ZNF536: variants seen among roughly 807,000 people sequenced by gnomAD.
ZNF536 encodes the protein zinc finger protein 536.
Under a neutral mutation model 84.5 loss-of-function variants are expected in ZNF536, and 13 were observed. That is an observed-to-expected ratio of 0.15 (90% CI 0.10 to 0.24). The LOEUF is 0.24. Among genes scored for constraint, ZNF536 ranks in the 10% least tolerant of loss-of-function variants. The pLI is 1.00. For missense variants in ZNF536, 1,536 were observed against 1,747.5 expected, an observed-to-expected ratio of 0.88 and a Z score of 2.16; for synonymous variants, 811 against 742.5, an observed-to-expected ratio of 1.09 and a Z score of -1.50.
chr19:30,415,801 AG>A (rs1267683401), intron 1 of ZNF536, among the ~76,000 whole-genome samples: 2 of 152,198 alleles, frequency 1.3e-5, no homozygotes, highest in African/African-American at 4.8e-5. Context: ...TAGTAGAGAC[AG>A]GGTTTCACCG....
chr19:30,415,288 C>CTTG (rs2050676883), intron 1 of ZNF536, among the ~76,000 whole-genome samples: 1 of 136,780 alleles, frequency 7.3e-6, no homozygotes, highest in Non-Finnish European at 1.6e-5. Flanking sequence ...CCTCCTCCTT[C>CTTG]TTCTTCTTCT....
At chr19:30,606,278 A>C (rs2047884585) in intron 1 of ZNF536, among the ~76,000 whole-genome samples, 2 of 49,996 alleles carry the variant, frequency 4.0e-5, no homozygotes, top group Admixed American at 2.0e-4. Flanking sequence ...AAATAAAATA[A>C]AATAAAATAA....
intron 1 of ZNF536, among the ~76,000 whole-genome samples, chr19:30,648,020 A>G (rs1388266451): frequency 6.6e-6 from 1 of 151,856 alleles, no homozygotes; most frequent in African/African-American, 2.4e-5. Flanking sequence ...AGTGCCTCCA[A>G]TTTTCCTCAC....
intron 4 of ZNF536, among the ~76,000 whole-genome samples, chr19:30,552,953 G>A (rs1400064015): frequency 6.6e-6 from 1 of 152,100 alleles, no homozygotes; most frequent in East Asian, 1.9e-4. Context: ...TTCCACAGTG[G>A]GTCAGATCCC....
chr19:30,261,202 G>A (rs1389424507), intron 1 of ZNF536, among the ~76,000 whole-genome samples: 1 of 146,850 alleles, frequency 6.8e-6, no homozygotes, highest in Non-Finnish European at 1.5e-5. Context: ...GGAGGCTGAG[G>A]CAGGAGAATG....
chr19:30,311,821 TG>T (rs2046513728), intron 2 of ZNF536, among the ~76,000 whole-genome samples: 1 of 152,106 alleles, frequency 6.6e-6, no homozygotes, highest in African/African-American at 2.4e-5. Flanking sequence ...GTATTCCCAG[TG>T]CTTTGGGAGG....
At chr19:30,606,226 AAAT>A (rs1201215906) in intron 1 of ZNF536, among the ~76,000 whole-genome samples, 15,126 of 104,142 alleles carry the variant, frequency 0.15, 1,252 homozygotes, top group East Asian at 0.21. Context: ...ATATAAAATA[AAAT>A]AATAAAATAA....
At chr19:30,509,386 T>C (rs1239506561) in intron 2 of ZNF536, among the ~76,000 whole-genome samples, 1 of 144,152 alleles carries the variant, frequency 6.9e-6, no homozygotes, top group Non-Finnish European at 1.5e-5. Context: ...ATATATATTA[T>C]ATCTTATACA....
At chr19:30,627,988 C>A (rs1174823833) in intron 1 of ZNF536, among the ~76,000 whole-genome samples, 1 of 152,174 alleles carries the variant, frequency 6.6e-6, no homozygotes, top group East Asian at 1.9e-4. Flanking sequence ...GAACCCGTGT[C>A]CCCCGTACCA....
chr19:30,593,964 T>C (rs1455802214), intron 1 of ZNF536, among the ~76,000 whole-genome samples: 2 of 152,254 alleles, frequency 1.3e-5, no homozygotes, highest in African/African-American at 2.4e-5. Context: ...TGATTGTCCT[T>C]GGAGACAAGC....
intron 2 of ZNF536, among the ~76,000 whole-genome samples, chr19:30,299,856 T>C (rs2046121932): frequency 6.6e-6 from 1 of 152,192 alleles, no homozygotes. Context: ...AAATGAAATA[T>C]GTCAAAAAAG....
At chr19:30,467,662 T>A (rs1384692689) in intron 2 of ZNF536, among the ~76,000 whole-genome samples, 4 of 152,206 alleles carry the variant, frequency 2.6e-5, no homozygotes, top group Non-Finnish European at 4.4e-5. Flanking sequence ...ATGGATTGTA[T>A]CCTATGCTAC....
chr19:30,226,795 G>A (rs1269322990), upstream of ZNF536, among the ~76,000 whole-genome samples: 2 of 152,212 alleles, frequency 1.3e-5, no homozygotes, highest in African/African-American at 2.4e-5. The surrounding 1 kb of genome is among the most constrained non-coding windows in gnomAD (Gnocchi z 4.6). Context: ...AGGCAGAGGA[G>A]AGGCAGGGCT....
chr19:30,457,051 A>AC (rs369316951), intron 2 of ZNF536, among the ~76,000 whole-genome samples: 12 of 142,434 alleles, frequency 8.4e-5, no homozygotes, highest in Admixed American at 2.0e-4. Flanking sequence ...CAAAAAAAAA[A>AC]AAAAACAAAA....
At chr19:30,510,850 CT>C in intron 2 of ZNF536, among the ~76,000 whole-genome samples, 1 of 152,294 alleles carries the variant, frequency 6.6e-6, no homozygotes, top group East Asian at 1.9e-4. Flanking sequence ...GTGACATCTT[CT>C]TGTCCCCGAC....
upstream of ZNF536, among the ~76,000 whole-genome samples, chr19:30,369,138 C>T (rs8111884): frequency 0.017 from 2,578 of 152,246 alleles, 65 homozygotes; most frequent in African/African-American, 0.055. Context: ...CTGGCAGCCA[C>T]GCAGACATCC....
At chr19:30,643,975 TG>T (rs1001264432) in intron 1 of ZNF536, among the ~76,000 whole-genome samples, 1 of 152,240 alleles carries the variant, frequency 6.6e-6, no homozygotes, top group African/African-American at 2.4e-5. Context: ...AAACATTTTT[TG>T]TTATTGATTT....
At chr19:30,356,108 G>C (rs76385398) in intron 3 of ZNF536, among the ~76,000 whole-genome samples, 1 of 152,182 alleles carries the variant, frequency 6.6e-6, no homozygotes, top group African/African-American at 2.4e-5. Flanking sequence ...ATCAGACAAT[G>C]ATTTCATGTC....
At chr19:30,374,830 C>A (rs958021432) in intron 1 of ZNF536, among the ~76,000 whole-genome samples, 3 of 151,562 alleles carry the variant, frequency 2.0e-5, no homozygotes, top group Admixed American at 6.6e-5. Context: ...TGCGAGCCCC[C>A]GCGGGTCCGG....
Sources: gnomAD v4.1 joint callset for allele counts (sites outside exome capture counted in the v4.1 genomes callset) on GRCh38, gnomAD v4.1.1 for gene constraint, Gnocchi (gnomAD v3.1) non-coding constraint, MANE v1.5 for transcripts, NCBI Gene and HGNC (gene_info 2026-07-23, HGNC 2026-07-21) for gene names.